Variants in PPARGC1A observed in about 807,000 individuals in gnomAD.
PPARGC1A encodes the protein peroxisome proliferator-activated receptor gamma coactivator 1-alpha.
Under a neutral mutation model 88.7 loss-of-function variants are expected in PPARGC1A, and 25 were observed. The observed-to-expected ratio is 0.28, with a 90% CI of 0.21 to 0.39. The LOEUF is 0.39. Among genes scored for constraint, PPARGC1A ranks in the 10% least tolerant of loss-of-function variants. PPARGC1A has a pLI of 1.00. For missense variants in PPARGC1A, 880 were observed against 968.7 expected (o/e 0.91, Z 1.22); for synonymous variants, 363 against 355.6 (o/e 1.02, Z -0.24).
chr4:23,948,188 C>T, the PPARGC1A span, among the ~76,000 whole-genome samples: 1 of 152,152 alleles, frequency 6.6e-6, no homozygotes, highest in African/African-American at 2.4e-5. Flanking sequence ...GTCCCAGGAA[C>T]CATGTGGTTG....
At chr4:24,384,558 C>CAAAAAAAAAAAAAAAAA in the PPARGC1A span, among the ~76,000 whole-genome samples, 1 of 53,960 alleles carries the variant, frequency 1.9e-5, no homozygotes, top group South Asian at 7.9e-4. Flanking sequence ...AAATGGAAAG[C>CAAAAAAAAAAAAAAAAA]AAAAAAAAAA....
At chr4:24,322,701 T>C in the PPARGC1A span, among the ~76,000 whole-genome samples, 1 of 152,152 alleles carries the variant, frequency 6.6e-6, no homozygotes, top group Admixed American at 6.6e-5. Context: ...AAGCTGGCAG[T>C]GGTGGGAGTG....
At chr4:24,303,147 C>T in the PPARGC1A span, among the ~76,000 whole-genome samples, 4 of 152,174 alleles carry the variant, frequency 2.6e-5, no homozygotes, top group Admixed American at 6.5e-5. Context: ...ACACGAACAG[C>T]TTAAATCCTC....
the PPARGC1A span, among the ~76,000 whole-genome samples, chr4:24,326,918 G>C: frequency 6.6e-6 from 1 of 152,170 alleles, no homozygotes; most frequent in African/African-American, 2.4e-5. Flanking sequence ...GGCCACCGCA[G>C]TCATTTCTTC....
the PPARGC1A span, among the ~76,000 whole-genome samples, chr4:23,990,099 TA>T: frequency 1.1e-4 from 15 of 138,838 alleles, no homozygotes; most frequent in Admixed American, 2.3e-4. Context: ...TATTACATAT[TA>T]ATTATGTATA....
Position 23,813,085 on chromosome 4 carries a change from T to C in PPARGC1A, c.1834A>G (p.Thr612Ala). The C allele has an allele frequency of 6.2e-7, 1 of 1,614,052 alleles. No homozygotes were observed. Among genetic ancestry groups the C allele is most frequent in the Non-Finnish European group, 8.5e-7 (1 of 1,179,960 alleles). ...YYESSHYRHR[T>A]HRNSPLYVRS... ...ACATACAAGGGAGAATTTCGGTGCG[T>C]GCGGTGTCTGTAGTGGCTTGACTCA... The change falls in exon 9 of 13, where the codon ACG (threonine) becomes GCG (alanine). Residue 612 changes from threonine (T) to alanine (A), a missense_variant. Thr to Ala is a moderately conservative substitution (Grantham distance 58). Transcript: ENST00000264867.
At chr4:24,339,414 G>A in the PPARGC1A span, among the ~76,000 whole-genome samples, 1 of 151,528 alleles carries the variant, frequency 6.6e-6, no homozygotes, top group Non-Finnish European at 1.5e-5. Context: ...CATGCCTAGG[G>A]CAGAGAAGAT....
the PPARGC1A span, among the ~76,000 whole-genome samples, chr4:24,433,964 C>T: frequency 2.6e-5 from 4 of 152,178 alleles, no homozygotes; most frequent in Non-Finnish European, 2.9e-5. Context: ...GCTTTTCCCA[C>T]CCACGGAAGA....
At position 23,829,748 on chromosome 4, in the gene PPARGC1A, T is replaced by A. The variant is rs1026193309; in HGVS notation, c.430-163A>T. 8.4e-6 allele frequency: 5 copies of A among 596,304 alleles called. No homozygotes were observed. In the African/African-American group the frequency reaches 9.5e-5, roughly 11 times the overall value. 36.9% of individuals were successfully genotyped at this position (596,304 alleles called of 1,614,324 possible). A position where few individuals can be genotyped will look rare whatever the true frequency, so the allele number is the denominator to read the frequency against. ...TAGCGCAATAGTGCTACAGGAAATA[T>A]GATATTTAAAGAGTAGAAAAAAGTT... On this transcript the variant is annotated intron_variant, in intron 3 of 12. Transcript: ENST00000264867.
chr4:24,020,062 A>C, the PPARGC1A span, among the ~76,000 whole-genome samples: 4 of 152,200 alleles, frequency 2.6e-5, no homozygotes. Context: ...TGGGAGAATG[A>C]AAAATAAAAT....
At chr4:24,326,341 T>G in the PPARGC1A span, among the ~76,000 whole-genome samples, 1 of 152,142 alleles carries the variant, frequency 6.6e-6, no homozygotes, top group South Asian at 2.1e-4. Context: ...ACAAGTTAGT[T>G]CAGGATCTGC....
the PPARGC1A span, among the ~76,000 whole-genome samples, chr4:24,183,174 A>T: frequency 6.6e-6 from 1 of 152,324 alleles, no homozygotes; most frequent in Admixed American, 6.5e-5. Context: ...AAGTCTCTAT[A>T]GCTGGTGCAA....
the PPARGC1A span, among the ~76,000 whole-genome samples, chr4:24,304,039 A>G: frequency 1.3e-5 from 2 of 152,224 alleles, no homozygotes; most frequent in East Asian, 1.9e-4. Context: ...CTCCCTTGAA[A>G]TGTAAGGAGA....
At chr4:23,877,266 C>T (rs1324290685) in intron 2 of PPARGC1A, among the ~76,000 whole-genome samples, 10 of 149,950 alleles carry the variant, frequency 6.7e-5, no homozygotes, top group Non-Finnish European at 4.4e-5. Context: ...CCTGTAATCC[C>T]AGCATTTTGG....
At chr4:24,029,554 G>T in the PPARGC1A span, among the ~76,000 whole-genome samples, 1 of 152,132 alleles carries the variant, frequency 6.6e-6, no homozygotes, top group East Asian at 1.9e-4. Flanking sequence ...TTCCCAATCT[G>T]AATAATTGGA....
chr4:24,093,970 C>A, the PPARGC1A span, among the ~76,000 whole-genome samples: 1 of 147,118 alleles, frequency 6.8e-6, no homozygotes, highest in Admixed American at 7.2e-5. Context: ...TTCCCTAACT[C>A]CCTTAAAATC....
chr4:24,231,040 C>T, the PPARGC1A span, among the ~76,000 whole-genome samples: 4 of 151,652 alleles, frequency 2.6e-5, no homozygotes, highest in African/African-American at 9.7e-5. Flanking sequence ...TGAGAGCTCT[C>T]ATTGGGTATG....
the PPARGC1A span, among the ~76,000 whole-genome samples, chr4:24,395,178 A>T: frequency 1.3e-5 from 2 of 151,450 alleles, no homozygotes; most frequent in African/African-American, 4.9e-5. Flanking sequence ...AATATGTAAA[A>T]ACCCTCCCAA....
intron 7 of PPARGC1A, among the ~76,000 whole-genome samples, chr4:23,819,338 G>A (rs1205344859): frequency 1.3e-5 from 2 of 152,134 alleles, no homozygotes; most frequent in African/African-American, 2.4e-5. Context: ...TTTGGGAGTG[G>A]CCTGCCTCCA....
Sources: gnomAD v4.1 joint callset for allele counts (sites outside exome capture counted in the v4.1 genomes callset) on GRCh38, gnomAD v4.1.1 for gene constraint, MANE v1.5 for transcripts, NCBI Gene and HGNC (gene_info 2026-07-23, HGNC 2026-07-21) for gene names.